The following FAF2 variants were observed in gnomAD, a reference collection of about 807,000 sequenced individuals.
The protein encoded by FAF2 is FAS-associated factor 2.
A neutral mutation model predicts 62.3 loss-of-function variants in FAF2; 9 were observed. The observed-to-expected ratio is 0.14, with a 90% CI of 0.09 to 0.25. The LOEUF is 0.25. Among genes scored for constraint, FAF2 ranks in the 10% least tolerant of loss-of-function variants. The pLI is 1.00. For missense variants in FAF2, 368 were observed against 556.2 expected (o/e 0.66, Z 3.40); for synonymous variants, 202 against 198.0 (o/e 1.02, Z -0.17).
At chr5:176,497,366 A>T (rs2913900) in intron 8 of FAF2, among the ~76,000 whole-genome samples, 128,751 of 152,234 alleles carry the variant, frequency 0.85, 54,825 homozygotes, top group African/African-American at 0.96. Context: ...TCACTGATAA[A>T]CCTACCACCA....
At chr5:176,489,134 A>T in intron 4 of FAF2, 107 bp downstream of exon 4, 1 of 720,976 alleles carries the variant, frequency 1.4e-6, no homozygotes. Flanking sequence ...CCAATTTGTC[A>T]TGAGATGGAA....
At chr5:176,474,354 A>G (rs1191936554) in intron 1 of FAF2, among the ~76,000 whole-genome samples, 1 of 152,220 alleles carries the variant, frequency 6.6e-6, no homozygotes, top group African/African-American at 2.4e-5. Flanking sequence ...ACGTATTCCC[A>G]TGGAGAAAAA....
At chr5:176,479,133 C>G in intron 1 of FAF2, 55 bp from the exon 2 acceptor site, 1 of 1,392,332 alleles carries the variant, frequency 7.2e-7, no homozygotes, top group Admixed American at 1.7e-5. Context: ...TAAAAATACT[C>G]ACACGTATAC....
Position 176,486,501 on chromosome 5 carries a change from C to G in FAF2, c.267+12C>G, listed in dbSNP as rs1189685038. The G allele has an allele frequency of 6.2e-7, 1 of 1,613,672 alleles. No homozygotes were observed. The highest frequency in any genetic ancestry group is 1.7e-5 in the Admixed American group (1 of 59,882). On this transcript the variant is annotated intron_variant, in intron 3 of 10. Coordinates refer to ENST00000261942, the MANE Select transcript of FAF2 (RefSeq NM_014613.3). ...GACCTCAACCAAGGGCAAGTTATTTCATAGCTGGGATTTCCCCCTTTTTTA... is the reference window on the plus strand; with the variant it reads ...GACCTCAACCAAGGGCAAGTTATTTGATAGCTGGGATTTCCCCCTTTTTTA...
At chr5:176,492,670 A>G (rs1367428840) in intron 5 of FAF2, among the ~76,000 whole-genome samples, 2 of 152,062 alleles carry the variant, frequency 1.3e-5, no homozygotes, top group Admixed American at 1.3e-4. Context: ...ATTTTTGCTA[A>G]TTGGAATCTT....
intron 1 of FAF2, among the ~76,000 whole-genome samples, chr5:176,455,414 A>G (rs1758263270): frequency 6.6e-6 from 1 of 152,000 alleles, no homozygotes; most frequent in African/African-American, 2.4e-5. Flanking sequence ...GCACCACTGC[A>G]CTCCAGCCTG....
intron 1 of FAF2, among the ~76,000 whole-genome samples, chr5:176,454,306 T>A (rs1225340914): frequency 6.6e-6 from 1 of 151,794 alleles, no homozygotes; most frequent in East Asian, 1.9e-4. Context: ...GGCAGGAGAA[T>A]CACTTGAATT....
intron 1 of FAF2, among the ~76,000 whole-genome samples, chr5:176,454,041 G>A (rs1297051872): frequency 3.4e-5 from 5 of 148,996 alleles, no homozygotes; most frequent in Non-Finnish European, 7.4e-5. Context: ...GGGCAAGAGC[G>A]AGACTCTAAA....
At chr5:176,504,420 C>CA (rs1284144620) in intron 10 of FAF2, among the ~76,000 whole-genome samples, 1 of 151,908 alleles carries the variant, frequency 6.6e-6, no homozygotes, top group African/African-American at 2.4e-5. Flanking sequence ...CCCATCTCTA[C>CA]AAAAAACACA....
rs968359000 is a variant in FAF2, at chr5:176,507,133, G to A, written c.*183G>A. 10 of 320,052 alleles carry A rather than the reference G, an allele frequency of 3.1e-5. No homozygotes were observed. Among genetic ancestry groups the A allele is most frequent in the East Asian group, 8.2e-5 (1 of 12,204 alleles). The allele number at this position is 320,052 out of a possible 1,614,324, so 19.8% of individuals were successfully genotyped here. ...GGAAGGATCAGAAACCATGCTGCCC[G>A]TAAGAGTCACAACCTGTGTGTGCGC... On this transcript the variant is annotated 3_prime_UTR_variant, in exon 11 of 11. Transcript: ENST00000261942.
intron 7 of FAF2, among the ~76,000 whole-genome samples, chr5:176,495,181 T>C (rs1350523252): frequency 1.3e-5 from 2 of 152,166 alleles, no homozygotes; most frequent in African/African-American, 4.8e-5. Flanking sequence ...AAAAATGTAG[T>C]CATTTTTGTG....
chr5:176,480,804 G>GTGGGGGGC (rs1431143600), intron 2 of FAF2, among the ~76,000 whole-genome samples: 2 of 148,948 alleles, frequency 1.3e-5, no homozygotes, highest in Non-Finnish European at 3.0e-5. Flanking sequence ...CTCTCGGGGG[G>GTGGGGGGC]TGGGGGGCTG....
chr5:176,496,523 G>A lies in FAF2; in HGVS notation c.699G>A (p.Leu233=). The A allele has an allele frequency of 1.2e-6, 2 of 1,610,760 alleles. No homozygotes were observed. The highest frequency in any genetic ancestry group is 8.5e-7 in the Non-Finnish European group (1 of 1,178,446). Residue 233 remains leucine, a synonymous_variant, in exon 8 of 11, where the codon CTG becomes CTA. Coordinates refer to ENST00000261942, the MANE Select transcript of FAF2 (RefSeq NM_014613.3). ...QALRENTYPF[L]AMIMLKDRRM... ...TACGAGAGAACACCTATCCATTCCTGGCCATGATTATGCTGAAGGATCGAA... is the reference window on the plus strand; with the variant it reads ...TACGAGAGAACACCTATCCATTCCTAGCCATGATTATGCTGAAGGATCGAA...
At position 176,492,182 on chromosome 5, in the gene FAF2, C is replaced by T. The variant is rs201452695; in HGVS notation, c.345-12C>T. The T allele has an allele frequency of 2.9e-5, 47 of 1,614,046 alleles. 1 individual carries two copies. The highest frequency in any genetic ancestry group is 3.3e-4 in the Middle Eastern group (2 of 6,034). On this transcript the variant is annotated splice_polypyrimidine_tract_variant and intron_variant, in intron 4 of 10. Coordinates refer to ENST00000261942, the MANE Select transcript of FAF2 (RefSeq NM_014613.3). Reference sequence around the variant, plus strand: ...AGCTGGATTCATGTGATATTTATTCCTTCCTCCCCAGGTTTGCTCTTCGTT... The same window carrying T: ...AGCTGGATTCATGTGATATTTATTCTTTCCTCCCCAGGTTTGCTCTTCGTT...
intron 7 of FAF2, among the ~76,000 whole-genome samples, chr5:176,495,510 ATTTTT>A (rs55981414): frequency 1.5e-5 from 2 of 132,858 alleles, no homozygotes; most frequent in African/African-American, 5.7e-5. Flanking sequence ...TTGGACACCA[ATTTTT>A]TTTTTTTTTT....
In FAF2 at chr5:176,448,488, G is replaced by T. The variant is rs1462620822; in HGVS notation, c.63+18G>T. Reference sequence around the variant, plus strand: ...AGTTTCAGGTAGCAGCGAGTACTCGGTGCAGCAGATGCCTCCGTGGGATGG... The same window carrying T: ...AGTTTCAGGTAGCAGCGAGTACTCGTTGCAGCAGATGCCTCCGTGGGATGG... On this transcript the variant is annotated intron_variant, in intron 1 of 10. Coordinates refer to ENST00000261942, the MANE Select transcript of FAF2 (RefSeq NM_014613.3). The T allele has an allele frequency of 1.9e-6, 3 of 1,584,134 alleles. No individual in the cohort carries two copies. The highest frequency in any genetic ancestry group is 2.6e-6 in the Non-Finnish European group (3 of 1,165,340).
chr5:176,461,403 C>T (rs1185087730), intron 1 of FAF2, among the ~76,000 whole-genome samples: 1 of 145,792 alleles, frequency 6.9e-6, no homozygotes, highest in Non-Finnish European at 1.5e-5. Flanking sequence ...ACTGTGGCCT[C>T]AGAGTCCCAG....
At chr5:176,471,026 A>G (rs899818206) in intron 1 of FAF2, among the ~76,000 whole-genome samples, 35 of 152,344 alleles carry the variant, frequency 2.3e-4, no homozygotes, top group African/African-American at 8.4e-4. Context: ...AAATAACACC[A>G]TAATTCCATT....
At chr5:176,505,252 A>G (rs185435256) in intron 10 of FAF2, among the ~76,000 whole-genome samples, 1 of 152,324 alleles carries the variant, frequency 6.6e-6, no homozygotes, top group African/African-American at 2.4e-5. Context: ...AGAATGCTAG[A>G]TGGAGAGGCC....
Sources: gnomAD v4.1 joint callset for allele counts (sites outside exome capture counted in the v4.1 genomes callset) on GRCh38, gnomAD v4.1.1 for gene constraint, MANE v1.5 for transcripts, NCBI Gene and HGNC (gene_info 2026-07-23, HGNC 2026-07-21) for gene names.